MARCHF6: variants seen among roughly 807,000 people sequenced by gnomAD.
The protein encoded by MARCHF6 is E3 ubiquitin-protein ligase MARCHF6.
In MARCHF6, 31 loss-of-function variants were observed where a neutral mutation model predicts 133.7. The observed-to-expected ratio is 0.23, with a 90% CI of 0.17 to 0.31. The LOEUF is 0.31. Among genes scored for constraint, MARCHF6 ranks in the 10% least tolerant of loss-of-function variants. The pLI, the probability that MARCHF6 is intolerant of heterozygous loss-of-function variation, is 1.00. For missense variants in MARCHF6, 723 were observed against 1,121.6 expected (o/e 0.64, Z 5.08); for synonymous variants, 395 against 402.5 (o/e 0.98, Z 0.22).
chr5:10,431,980 G>A (rs1446889405), intron 25 of MARCHF6, among the ~76,000 whole-genome samples: 1 of 152,138 alleles, frequency 6.6e-6, no homozygotes, highest in Admixed American at 6.5e-5. Flanking sequence ...GAACAGTGGG[G>A]TAAGGAATGG....
chr5:10,401,875 T>C (rs1040708709), intron 11 of MARCHF6, 184 bp from the exon 12 acceptor site: 41 of 589,102 alleles, frequency 7.0e-5, no homozygotes, highest in African/African-American at 6.5e-4. Flanking sequence ...TTTAGTAATA[T>C]ATAACAGTCA....
chr5:10,414,483 C>T lies in MARCHF6; in HGVS notation c.1947C>T (p.Leu649=). The change falls in exon 20 of 26, where the codon CTC becomes CTT. Residue 649 remains leucine (L), a synonymous_variant. Coordinates refer to ENST00000274140, the MANE Select transcript of MARCHF6 (RefSeq NM_005885.4). ...FMCITLLIAS[L]ICLTLPVFAG... is the part of the protein sequence containing the mutation. Reference sequence around the variant, plus strand: ...GTATAACATTACTGATTGCCAGCCTCATCTGCCTTACTTTACCAGGTATGA... The same window carrying T: ...GTATAACATTACTGATTGCCAGCCTTATCTGCCTTACTTTACCAGGTATGA... 5 of 1,613,458 alleles carry T rather than the reference C, an allele frequency of 3.1e-6. No homozygotes were observed. Among genetic ancestry groups the T allele is most frequent in the Non-Finnish European group, 4.2e-6 (5 of 1,179,526 alleles).
intron 4 of MARCHF6, among the ~76,000 whole-genome samples, chr5:10,383,840 G>A (rs901546470): frequency 2.0e-5 from 3 of 152,162 alleles, no homozygotes; most frequent in African/African-American, 4.8e-5. Context: ...TGATCTTAAC[G>A]TGGGAGAAAT....
At chr5:10,432,976 C>T (rs1435937729) in intron 25 of MARCHF6, among the ~76,000 whole-genome samples, 1 of 143,696 alleles carries the variant, frequency 7.0e-6, no homozygotes, top group African/African-American at 2.6e-5. Context: ...AATTTCAGTT[C>T]ACTGCAACCT....
intron 7 of MARCHF6, among the ~76,000 whole-genome samples, chr5:10,393,847 T>G (rs2126738442): frequency 6.6e-6 from 1 of 152,318 alleles, no homozygotes. Context: ...TTTATTCCTT[T>G]TCTAGCATTT....
intron 1 of MARCHF6, among the ~76,000 whole-genome samples, chr5:10,376,109 G>A (rs1243543014): frequency 1.3e-5 from 2 of 152,186 alleles, no homozygotes; most frequent in Non-Finnish European, 2.9e-5. Context: ...GCCAGCAGTG[G>A]CAAGCTGCTC....
chr5:10,423,122 C>T (rs933729311), intron 22 of MARCHF6, among the ~76,000 whole-genome samples: 1 of 150,434 alleles, frequency 6.6e-6, no homozygotes, highest in Non-Finnish European at 1.5e-5. Flanking sequence ...AGGGAAGTTA[C>T]GTTCATGATC....
At chr5:10,384,074 A>C (rs1291103533) in intron 4 of MARCHF6, among the ~76,000 whole-genome samples, 1 of 152,196 alleles carries the variant, frequency 6.6e-6, no homozygotes, top group Non-Finnish European at 1.5e-5. Flanking sequence ...TTTTCAGTAA[A>C]TGGTATGGCA....
chr5:10,395,116 G>GT (rs1738114783), intron 9 of MARCHF6, among the ~76,000 whole-genome samples: 1 of 152,136 alleles, frequency 6.6e-6, no homozygotes, highest in Non-Finnish European at 1.5e-5. Flanking sequence ...ATTCTTTCTA[G>GT]TAACAGAATT....
Position 10,411,324 on chromosome 5 carries a change from T to G in MARCHF6, c.1692-9T>G. On this transcript the variant is annotated splice_polypyrimidine_tract_variant and intron_variant, in intron 18 of 25. Coordinates refer to ENST00000274140, the MANE Select transcript of MARCHF6 (RefSeq NM_005885.4). ...AGTGAGACTTGTTACTGATGTAATTTTTGCACAGGGATCTTCATTCTTATT... is the reference window on the plus strand; with the variant it reads ...AGTGAGACTTGTTACTGATGTAATTGTTGCACAGGGATCTTCATTCTTATT... The G allele has an allele frequency of 1.2e-6, 2 of 1,613,184 alleles. No homozygotes were observed. The highest frequency in any genetic ancestry group is 1.7e-6 in the Non-Finnish European group (2 of 1,179,150).
At chr5:10,429,465 C>A (rs895636388) in intron 24 of MARCHF6, among the ~76,000 whole-genome samples, 2 of 147,922 alleles carry the variant, frequency 1.4e-5, no homozygotes, top group Non-Finnish European at 3.0e-5. Context: ...CTTGATTGAT[C>A]TCGGCTCCCT....
At chr5:10,396,342 T>G (rs1738189462) in intron 9 of MARCHF6, among the ~76,000 whole-genome samples, 1 of 152,150 alleles carries the variant, frequency 6.6e-6, no homozygotes, top group African/African-American at 2.4e-5. Flanking sequence ...GAATGGAGTT[T>G]GTCAGCAGGA....
Position 10,380,155 on chromosome 5 carries a change from TTGTGTGTGTG to T in MARCHF6, c.190+1351_190+1360del, listed in dbSNP as rs200405883. Among the ~76,000 whole-genome samples the T allele has an allele frequency of 7.3e-4, 107 of 145,850 alleles. 2 individuals carry two copies. Among genetic ancestry groups the T allele is most frequent in the East Asian group, 3.0e-3 (15 of 5,044 alleles). On this transcript the variant is annotated intron_variant, in intron 3 of 25. Transcript: ENST00000274140. ...CTTACAAAGGATTTTTGTGTTTTAG[TTGTGTGTGTG>T]TGTGTGTGTGTGTGTGTGTGTGTGT...
intron 22 of MARCHF6, among the ~76,000 whole-genome samples, chr5:10,422,313 G>GAGGC (rs1255079874): frequency 3.3e-5 from 5 of 152,172 alleles, no homozygotes; most frequent in African/African-American, 1.2e-4. Context: ...GAACAAATGT[G>GAGGC]AGGCAGCATT....
At position 10,440,157 on chromosome 5, in the gene MARCHF6, T is replaced by C. The variant is rs1740802741; in HGVS notation, c.*6473T>C. 6.6e-6 allele frequency: 1 copy of C among 152,248 alleles called. No homozygotes were observed. Among genetic ancestry groups the C allele is most frequent in the Non-Finnish European group, 1.5e-5 (1 of 68,038 alleles). 9.4% of individuals were successfully genotyped at this position (152,248 alleles called of 1,614,324 possible). Reference sequence around the variant, plus strand: ...AAAGATTTTATTTTTTTAAACTGAATTATTACTGTATTCCCAGAACAATTC... The same window carrying C: ...AAAGATTTTATTTTTTTAAACTGAACTATTACTGTATTCCCAGAACAATTC... On this transcript the variant is annotated 3_prime_UTR_variant, in exon 26 of 26. Coordinates refer to ENST00000274140, the MANE Select transcript of MARCHF6 (RefSeq NM_005885.4).
intron 2 of MARCHF6, among the ~76,000 whole-genome samples, 166 bp from the exon 3 acceptor site, chr5:10,378,593 C>T (rs184426936): frequency 6.6e-6 from 1 of 152,134 alleles, no homozygotes; most frequent in African/African-American, 2.4e-5. Flanking sequence ...TGTAGTTTTT[C>T]ATTCTTAGAA....
chr5:10,387,746 C>G (rs1481643335), intron 5 of MARCHF6, among the ~76,000 whole-genome samples: 1 of 152,210 alleles, frequency 6.6e-6, no homozygotes, highest in African/African-American at 2.4e-5. Context: ...TCTCTGCTCA[C>G]TGCAACTTCT....
At chr5:10,415,427 T>C in intron 20 of MARCHF6, 61 bp from the exon 21 acceptor site, 2 of 1,413,536 alleles carry the variant, frequency 1.4e-6, no homozygotes, top group Middle Eastern at 1.8e-4. Context: ...CATAACAACA[T>C]GAAGATGACA....
chr5:10,364,513 T>A (rs191176414), intron 1 of MARCHF6, among the ~76,000 whole-genome samples: 1 of 152,120 alleles, frequency 6.6e-6, no homozygotes, highest in African/African-American at 2.4e-5. Flanking sequence ...TAACTGCCCC[T>A]AGCCAAAAGA....
Sources: allele counts gnomAD v4.1 joint callset (sites outside exome capture counted in the v4.1 genomes callset), GRCh38; gene constraint gnomAD v4.1.1; transcripts MANE v1.5; gene names NCBI Gene and HGNC (gene_info 2026-07-23, HGNC 2026-07-21).